The following TANGO6 variants were observed in gnomAD, a reference collection of about 807,000 sequenced individuals.
TANGO6 encodes the protein transport and Golgi organization protein 6 homolog.
Under a neutral mutation model 114.2 loss-of-function variants are expected in TANGO6, and 90 were observed. That is an observed-to-expected ratio of 0.79 (90% CI 0.66 to 0.94). The LOEUF (loss-of-function observed/expected upper bound fraction) is 0.94, where lower values mean the gene tolerates loss of function less well. Among genes scored for constraint, TANGO6 ranks in the 40% least tolerant of loss-of-function variants. The pLI, the probability that TANGO6 is intolerant of heterozygous loss-of-function variation, is 0.00. For synonymous variants in TANGO6, 477 were observed against 509.8 expected, an observed-to-expected ratio of 0.94 and a Z score of 0.87; for missense variants, 1,274 against 1,315.3, an observed-to-expected ratio of 0.97 and a Z score of 0.49.
chr16:69,064,089 G>A (rs552561880), intron 17 of TANGO6, among the ~76,000 whole-genome samples: 4 of 152,028 alleles, frequency 2.6e-5, no homozygotes, highest in East Asian at 1.9e-4. Flanking sequence ...TGCCCGCCTC[G>A]GCCTCCCAAA....
At chr16:68,989,228 C>G (rs1326803435) in intron 15 of TANGO6, among the ~76,000 whole-genome samples, 1 of 151,988 alleles carries the variant, frequency 6.6e-6, no homozygotes, top group Admixed American at 6.6e-5. Context: ...AATTTTCATT[C>G]TAGGACTTTA....
At chr16:68,917,758 C>G (rs1468634990) in intron 11 of TANGO6, among the ~76,000 whole-genome samples, 1 of 151,842 alleles carries the variant, frequency 6.6e-6, no homozygotes, top group Non-Finnish European at 1.5e-5. Flanking sequence ...TTTAATTGGG[C>G]TCTTTTCTTT....
chr16:68,870,393 A>G (rs1471512700), intron 4 of TANGO6, among the ~76,000 whole-genome samples: 1 of 152,184 alleles, frequency 6.6e-6, no homozygotes, highest in African/African-American at 2.4e-5. Context: ...AGTGGCTATA[A>G]TATTGCCTCC....
chr16:68,936,295 G>C (rs1323941209), intron 14 of TANGO6, among the ~76,000 whole-genome samples: 1 of 152,162 alleles, frequency 6.6e-6, no homozygotes, highest in African/African-American at 2.4e-5. Context: ...TAATGAGTAT[G>C]ATAAATAAGT....
At chr16:69,037,267 A>G (rs1959703660) in intron 16 of TANGO6, among the ~76,000 whole-genome samples, 1 of 152,118 alleles carries the variant, frequency 6.6e-6, no homozygotes, top group South Asian at 2.1e-4. Context: ...CCTTACACTG[A>G]GAGCTGAGGT....
chr16:68,845,452 A>G (rs1268720297), intron 1 of TANGO6, among the ~76,000 whole-genome samples: 5 of 152,192 alleles, frequency 3.3e-5, no homozygotes, highest in Non-Finnish European at 5.9e-5. Flanking sequence ...TTCCTATTTG[A>G]AGAGGAATTA....
At chr16:69,050,780 G>A (rs911069081) in intron 17 of TANGO6, among the ~76,000 whole-genome samples, 2 of 151,184 alleles carry the variant, frequency 1.3e-5, no homozygotes, top group Non-Finnish European at 1.5e-5. Flanking sequence ...GAGCCACCGC[G>A]CCCGGCCCTA....
chr16:69,035,960 T>C (rs1280910343), intron 16 of TANGO6: 2 of 151,508 alleles, frequency 1.3e-5, no homozygotes, highest in African/African-American at 2.4e-5. Flanking sequence ...CAAGAATCAC[T>C]TGAACCCGGG....
intron 5 of TANGO6, among the ~76,000 whole-genome samples, chr16:68,875,827 A>T (rs1419247859): frequency 1.3e-5 from 2 of 151,482 alleles, no homozygotes; most frequent in East Asian, 3.9e-4. Context: ...GCTTGCTCTC[A>T]GAGCTAGAAT....
chr16:68,935,137 C>A (rs1963287878), intron 14 of TANGO6, among the ~76,000 whole-genome samples: 1 of 152,138 alleles, frequency 6.6e-6, no homozygotes, highest in South Asian at 2.1e-4. Context: ...GTGTAGTTTG[C>A]CTGGGCCTAA....
intron 14 of TANGO6, among the ~76,000 whole-genome samples, chr16:68,968,257 G>A (rs1597040611): frequency 6.6e-6 from 1 of 151,850 alleles, no homozygotes; most frequent in Non-Finnish European, 1.5e-5. Flanking sequence ...GTAGAGACAG[G>A]GTTTCACCAT....
At chr16:68,973,499 A>T (rs1963730048) in intron 14 of TANGO6, among the ~76,000 whole-genome samples, 1 of 152,138 alleles carries the variant, frequency 6.6e-6, no homozygotes, top group African/African-American at 2.4e-5. Flanking sequence ...GGCTCAGATT[A>T]TGATAACACT....
At chr16:68,978,701 A>G (rs971094409) in intron 15 of TANGO6, among the ~76,000 whole-genome samples, 5 of 151,638 alleles carry the variant, frequency 3.3e-5, no homozygotes, top group African/African-American at 1.2e-4. Context: ...CCCCACCCCT[A>G]CCTCTTCTCT....
intron 15 of TANGO6, among the ~76,000 whole-genome samples, chr16:69,009,518 G>A (rs141898215): frequency 1.4e-3 from 216 of 152,234 alleles, no homozygotes; most frequent in African/African-American, 4.6e-3. Context: ...TTTCACTGTT[G>A]TGGATCCCTT....
At chr16:68,929,959 G>A (rs1963218356) in intron 13 of TANGO6, among the ~76,000 whole-genome samples, 1 of 152,168 alleles carries the variant, frequency 6.6e-6, no homozygotes, top group African/African-American at 2.4e-5. Context: ...ATTCACCATG[G>A]CTGTCATGGA....
At chr16:68,944,297 G>A (rs1351761127) in intron 14 of TANGO6, among the ~76,000 whole-genome samples, 1 of 152,064 alleles carries the variant, frequency 6.6e-6, no homozygotes, top group Admixed American at 6.6e-5. Context: ...TGCAAGTGTT[G>A]AATATGCAAA....
chr16:69,037,334 C>T (rs910997227), intron 16 of TANGO6, among the ~76,000 whole-genome samples: 5 of 152,074 alleles, frequency 3.3e-5, no homozygotes, highest in African/African-American at 4.8e-5. Context: ...AGGCAGACAC[C>T]AACATGGTTC....
In TANGO6 at chr16:68,867,233, A is replaced by T. The variant is rs1308988290; in HGVS notation, c.994+13A>T. ...GAAGGAGCAGGTGGTAAGAAATAAA[A>T]TGTTGCTGTGACTTTGGTATCTGTT... On this transcript the variant is annotated intron_variant, in intron 4 of 17. Coordinates refer to ENST00000261778, the MANE Select transcript of TANGO6 (RefSeq NM_024562.2). The T allele has an allele frequency of 6.2e-7, 1 of 1,613,556 alleles. No homozygotes were observed. Among genetic ancestry groups the T allele is most frequent in the African/African-American group, 1.3e-5 (1 of 75,016 alleles).
intron 14 of TANGO6, among the ~76,000 whole-genome samples, chr16:68,958,201 T>C (rs1445106921): frequency 4.7e-5 from 7 of 147,926 alleles, no homozygotes; most frequent in Non-Finnish European, 1.0e-4. Flanking sequence ...AATTAAAAAT[T>C]CAGTGTATGA....
Sources: gnomAD v4.1 joint callset for allele counts (sites outside exome capture counted in the v4.1 genomes callset) on GRCh38, gnomAD v4.1.1 for gene constraint, MANE v1.5 for transcripts, NCBI Gene and HGNC (gene_info 2026-07-23, HGNC 2026-07-21) for gene names.